The following SPPL3 variants were observed in gnomAD, a reference collection of about 807,000 sequenced individuals.
SPPL3 encodes signal peptide peptidase like 3, also known as signal peptide peptidase-like 3.
Under a neutral mutation model 42.4 loss-of-function variants are expected in SPPL3, and 5 were observed. The observed-to-expected ratio is 0.12, with a 90% CI of 0.06 to 0.25. SPPL3 has a LOEUF of 0.25. SPPL3 is among the 10% of genes least tolerant of loss of function. The pLI is 1.00. For missense variants in SPPL3, 235 were observed against 489.0 expected (o/e 0.48, Z 4.90); for synonymous variants, 195 against 181.8 (o/e 1.07, Z -0.58).
chr12:120,871,653 TAAGGCAGGAGAATCACTTGAACCTGC>T (rs1443431549), intron 1 of SPPL3, among the ~76,000 whole-genome samples: 1 of 151,914 alleles, frequency 6.6e-6, no homozygotes. Context: ...CTCGGGCGGC[TAAGGCAGGAGAATCACTTGAACCTGC>T]AAGGCGGAGG....
At chr12:120,878,789 C>T (rs1873188336) in intron 1 of SPPL3, among the ~76,000 whole-genome samples, 1 of 152,096 alleles carries the variant, frequency 6.6e-6, no homozygotes, top group Non-Finnish European at 1.5e-5. Flanking sequence ...TGAAATAAAG[C>T]TACAGCCTTG....
intron 6 of SPPL3, chr12:120,769,867 CTTTTTT>C (rs374245705): frequency 6.8e-6 from 1 of 147,822 alleles, no homozygotes; most frequent in Non-Finnish European, 1.5e-5. Context: ...TTTTTACATA[CTTTTTT>C]TTTTTAATCT....
At chr12:120,856,947 G>A (rs549882926) in intron 1 of SPPL3, among the ~76,000 whole-genome samples, 7 of 152,302 alleles carry the variant, frequency 4.6e-5, no homozygotes, top group East Asian at 1.9e-4. Context: ...CTTATGGCCT[G>A]TACAAGGGGA....
At chr12:120,824,537 T>C (rs1330850818) in intron 1 of SPPL3, among the ~76,000 whole-genome samples, 1 of 152,194 alleles carries the variant, frequency 6.6e-6, no homozygotes, top group Non-Finnish European at 1.5e-5. Context: ...TCTTAAACTT[T>C]TATTTTTTCT....
chr12:120,782,848 T>A, intron 5 of SPPL3, 81 bp from the exon 6 acceptor site: 1 of 1,004,540 alleles, frequency 1.0e-6, no homozygotes, highest in Non-Finnish European at 1.5e-6. Flanking sequence ...TCGTGATGGC[T>A]GGATTAGAAT....
rs180780812 is a variant in SPPL3, at chr12:120,779,953, G to A, written c.502+2702C>T. Among the ~76,000 whole-genome samples, 58 of 150,424 alleles carry A rather than the reference G, an allele frequency of 3.9e-4. 2 individuals carry two copies. The East Asian group carries it at 8.2e-3, about 21-fold the overall frequency. ...GCGGAGGTTGCAGTGAGCTGAGATCGTGCCACTGCACTCCAGCCTGGGCAA... is the reference window on the plus strand; with the variant it reads ...GCGGAGGTTGCAGTGAGCTGAGATCATGCCACTGCACTCCAGCCTGGGCAA... On this transcript the variant is annotated intron_variant, in intron 6 of 10. Transcript: ENST00000353487.
intron 1 of SPPL3, among the ~76,000 whole-genome samples, chr12:120,858,108 C>T (rs941198564): frequency 5.3e-5 from 8 of 151,740 alleles, no homozygotes; most frequent in African/African-American, 1.7e-4. Context: ...TAAAAACATA[C>T]CAGAAAAAAA....
At chr12:120,901,361 G>A (rs1220589653) in intron 1 of SPPL3, among the ~76,000 whole-genome samples, 1 of 151,866 alleles carries the variant, frequency 6.6e-6, no homozygotes, top group East Asian at 1.9e-4. Flanking sequence ...GGGAAGCCGA[G>A]GTGGGCAGAT....
chr12:120,789,517 G>A (rs188683395), intron 3 of SPPL3, among the ~76,000 whole-genome samples: 1 of 146,636 alleles, frequency 6.8e-6, no homozygotes, highest in Admixed American at 6.8e-5. Flanking sequence ...TGTGCTTCAT[G>A]AACAAAAAAT....
At chr12:120,856,471 T>C (rs1479794458) in intron 1 of SPPL3, among the ~76,000 whole-genome samples, 1 of 143,614 alleles carries the variant, frequency 7.0e-6, no homozygotes, top group African/African-American at 2.5e-5. Context: ...CTGAGCCCCC[T>C]GGCCACTGGT....
intron 5 of SPPL3, among the ~76,000 whole-genome samples, chr12:120,783,218 T>C (rs1157297622): frequency 1.3e-5 from 2 of 152,204 alleles, no homozygotes; most frequent in Non-Finnish European, 2.9e-5. Context: ...AGCATCTCCA[T>C]TAGCACAGAA....
At chr12:120,791,866 C>G (rs1869927312) in intron 2 of SPPL3, 1 of 296,770 alleles carries the variant, frequency 3.4e-6, no homozygotes, top group African/African-American at 2.3e-5. Flanking sequence ...TGTCAAAGGG[C>G]AAGCACATTT....
At chr12:120,830,940 A>G (rs1195668019) in intron 1 of SPPL3, among the ~76,000 whole-genome samples, 1 of 152,092 alleles carries the variant, frequency 6.6e-6, no homozygotes, top group Non-Finnish European at 1.5e-5. Flanking sequence ...TCTGTGTGTG[A>G]GAGTGTTTCT....
intron 2 of SPPL3, among the ~76,000 whole-genome samples, chr12:120,804,194 C>A (rs1489365194): frequency 6.6e-6 from 1 of 152,062 alleles, no homozygotes; most frequent in Admixed American, 6.5e-5. Context: ...ATACAAATGA[C>A]CAAAAACTAA....
chr12:120,890,544 G>A (rs374530107), intron 1 of SPPL3, among the ~76,000 whole-genome samples: 11 of 144,906 alleles, frequency 7.6e-5, no homozygotes, highest in African/African-American at 1.3e-4. Flanking sequence ...AGCAGAGATC[G>A]CGCCATTGTA....
At chr12:120,903,733 C>G (rs976070255) in intron 1 of SPPL3, 112 bp downstream of exon 1, 33 of 344,570 alleles carry the variant, frequency 9.6e-5, no homozygotes, top group African/African-American at 7.6e-4. Flanking sequence ...CCAACCCGCG[C>G]CCCCCCCCCA....
At chr12:120,768,756 A>ACACACTAC in intron 7 of SPPL3, 197 bp downstream of exon 7, 1 of 631,232 alleles carries the variant, frequency 1.6e-6, no homozygotes, top group Non-Finnish European at 2.8e-6. Context: ...AGTCACACAC[A>ACACACTAC]CACACTACCT....
chr12:120,855,336 G>GC (rs1872416020), intron 1 of SPPL3, among the ~76,000 whole-genome samples: 1 of 151,952 alleles, frequency 6.6e-6, no homozygotes, highest in African/African-American at 2.4e-5. Flanking sequence ...TAAATCATAG[G>GC]CCCTGGCTAT....
chr12:120,783,651 A>G, intron 5 of SPPL3, 23 bp downstream of exon 5: 1 of 1,573,776 alleles, frequency 6.4e-7, no homozygotes, highest in Non-Finnish European at 8.6e-7. Context: ...TTATAATTTA[A>G]GAGGAAAGTC....
Sources: gnomAD v4.1 joint callset for allele counts (sites outside exome capture counted in the v4.1 genomes callset) on GRCh38, gnomAD v4.1.1 for gene constraint, MANE v1.5 for transcripts, NCBI Gene and HGNC (gene_info 2026-07-23, HGNC 2026-07-21) for gene names.